MNAT1: variants seen among roughly 807,000 people sequenced by gnomAD.
MNAT1 encodes the protein CDK-activating kinase assembly factor MAT1.
In MNAT1, 43 loss-of-function variants were observed where a neutral mutation model predicts 42.0. The observed-to-expected ratio is 1.02, with a 90% CI of 0.80 to 1.32. The LOEUF is 1.32. Ranked by LOEUF, MNAT1 falls within the 40% of genes most tolerant of loss-of-function variation. MNAT1 has a pLI of 0.00. For synonymous variants in MNAT1, 118 were observed against 120.0 expected, an observed-to-expected ratio of 0.98 and a Z score of 0.11; for missense variants, 306 against 350.4, an observed-to-expected ratio of 0.87 and a Z score of 1.01.
chr14:60,888,468 A>G (rs1414424596), intron 7 of MNAT1, among the ~76,000 whole-genome samples: 2 of 152,144 alleles, frequency 1.3e-5, no homozygotes, highest in Non-Finnish European at 2.9e-5. Context: ...AGAGCTATCT[A>G]TGACAAACCC....
intron 7 of MNAT1, among the ~76,000 whole-genome samples, chr14:60,892,995 A>G (rs1178491965): frequency 6.6e-6 from 1 of 152,126 alleles, no homozygotes; most frequent in Admixed American, 6.5e-5. Context: ...ACAAAATGTG[A>G]GTTATAAAAC....
intron 7 of MNAT1, among the ~76,000 whole-genome samples, chr14:60,935,391 A>G (rs889194239): frequency 1.4e-5 from 2 of 140,154 alleles, no homozygotes; most frequent in African/African-American, 2.7e-5. Context: ...AATACTTTAT[A>G]TAAAGTGCAA....
intron 1 of MNAT1, among the ~76,000 whole-genome samples, chr14:60,786,654 CAA>C (rs1401542803): frequency 6.6e-6 from 1 of 151,964 alleles, no homozygotes; most frequent in Non-Finnish European, 1.5e-5. Flanking sequence ...TTTTCCAAAA[CAA>C]AAAAATTTTG....
chr14:60,908,633 C>A (rs1461335189), intron 7 of MNAT1, among the ~76,000 whole-genome samples: 1 of 152,168 alleles, frequency 6.6e-6, no homozygotes, highest in Non-Finnish European at 1.5e-5. Flanking sequence ...TCATCCATGT[C>A]CCTATAAAGG....
intron 7 of MNAT1, among the ~76,000 whole-genome samples, chr14:60,912,436 G>T (rs1157764954): frequency 1.3e-5 from 2 of 152,122 alleles, no homozygotes; most frequent in Admixed American, 6.5e-5. Context: ...TTACAAATTG[G>T]CATGTTTTTG....
intron 1 of MNAT1, among the ~76,000 whole-genome samples, chr14:60,792,174 C>T (rs561287088): frequency 6.6e-6 from 1 of 152,116 alleles, no homozygotes; most frequent in African/African-American, 2.4e-5. Flanking sequence ...AATCCTTAAA[C>T]GCATTTCATT....
At chr14:60,941,578 C>T (rs1229292210) in intron 7 of MNAT1, among the ~76,000 whole-genome samples, 1 of 151,738 alleles carries the variant, frequency 6.6e-6, no homozygotes, top group Non-Finnish European at 1.5e-5. Flanking sequence ...TGGTGGTATG[C>T]GCCTATAGTC....
At chr14:60,814,056 AACTG>A (rs2032637446) in intron 5 of MNAT1, among the ~76,000 whole-genome samples, 2 of 152,168 alleles carry the variant, frequency 1.3e-5, no homozygotes, top group Admixed American at 6.5e-5. Context: ...GCTTTAAGCT[AACTG>A]ACTAAAATAC....
intron 7 of MNAT1, among the ~76,000 whole-genome samples, chr14:60,901,697 T>C (rs2035075395): frequency 6.6e-6 from 1 of 152,178 alleles, no homozygotes; most frequent in Non-Finnish European, 1.5e-5. Context: ...TTGGAAGAAG[T>C]AACCGCAAAT....
chr14:60,959,016 T>G (rs541837187), intron 7 of MNAT1, among the ~76,000 whole-genome samples: 1 of 152,178 alleles, frequency 6.6e-6, no homozygotes, highest in South Asian at 2.1e-4. Flanking sequence ...CCTCCCAGGC[T>G]CAAGTGACCC....
At chr14:60,788,993 A>G (rs1214680571) in intron 1 of MNAT1, among the ~76,000 whole-genome samples, 2 of 152,160 alleles carry the variant, frequency 1.3e-5, no homozygotes, top group African/African-American at 4.8e-5. Flanking sequence ...TGACTTGGCT[A>G]ACTGGTGCAG....
intron 7 of MNAT1, among the ~76,000 whole-genome samples, chr14:60,953,414 ATAT>A (rs2036420394): frequency 6.6e-6 from 1 of 152,126 alleles, no homozygotes; most frequent in Non-Finnish European, 1.5e-5. Flanking sequence ...GAAAGCAACA[ATAT>A]TATTGTTGGA....
intron 6 of MNAT1, among the ~76,000 whole-genome samples, chr14:60,852,426 T>G (rs2033848418): frequency 6.6e-6 from 1 of 152,190 alleles, no homozygotes; most frequent in African/African-American, 2.4e-5. Context: ...TTTAAGTTCC[T>G]TATAGATTCT....
chr14:60,944,378 T>G (rs1170660015), intron 7 of MNAT1, among the ~76,000 whole-genome samples: 1 of 152,150 alleles, frequency 6.6e-6, no homozygotes, highest in African/African-American at 2.4e-5. Flanking sequence ...AATGCCCTTA[T>G]AAGAACAGCT....
intron 6 of MNAT1, among the ~76,000 whole-genome samples, chr14:60,859,033 A>G (rs1259086356): frequency 2.0e-5 from 3 of 152,230 alleles, no homozygotes; most frequent in South Asian, 2.1e-4. Context: ...TGTATACTAG[A>G]AAGTCTTAAG....
intron 7 of MNAT1, among the ~76,000 whole-genome samples, chr14:60,901,768 C>CTATAA (rs1430387272): frequency 6.6e-6 from 1 of 152,138 alleles, no homozygotes; most frequent in African/African-American, 2.4e-5. Context: ...GACTGAATTA[C>CTATAA]TACAGTCTTA....
At chr14:60,933,419 T>C (rs1336136487) in intron 7 of MNAT1, among the ~76,000 whole-genome samples, 1 of 152,198 alleles carries the variant, frequency 6.6e-6, no homozygotes, top group Non-Finnish European at 1.5e-5. Context: ...GGTTTTCTGA[T>C]GTTTTGAAGC....
At chr14:60,934,176 CTTATCTGAG>C (rs976230129) in intron 7 of MNAT1, among the ~76,000 whole-genome samples, 6 of 152,206 alleles carry the variant, frequency 3.9e-5, no homozygotes, top group African/African-American at 1.4e-4. Context: ...CCAAGAGCAA[CTTATCTGAG>C]TTACTGCCGT....
intron 3 of MNAT1, among the ~76,000 whole-genome samples, chr14:60,804,610 G>A (rs942399359): frequency 6.6e-6 from 1 of 152,108 alleles, no homozygotes; most frequent in Non-Finnish European, 1.5e-5. Context: ...GCTGTAGCTT[G>A]AAACTCCTGG....
Sources: gnomAD v4.1 joint callset for allele counts (sites outside exome capture counted in the v4.1 genomes callset) on GRCh38, gnomAD v4.1.1 for gene constraint, MANE v1.5 for transcripts, NCBI Gene and HGNC (gene_info 2026-07-23, HGNC 2026-07-21) for gene names.